Variants in VAV3 observed in about 807,000 individuals in gnomAD.
VAV3 encodes guanine nucleotide exchange factor VAV3.
In VAV3, 94 loss-of-function variants were observed where a neutral mutation model predicts 131.2. The ratio of observed to expected loss-of-function variants is 0.72; its 90% CI spans 0.61 to 0.85. The LOEUF (loss-of-function observed/expected upper bound fraction) is 0.85. Among genes scored for constraint, VAV3 ranks in the 40% least tolerant of loss-of-function variants. The probability of loss-of-function intolerance (pLI) is 0.00; values close to 1 mark genes in which losing one functional copy is unlikely to be tolerated. For synonymous variants in VAV3, 349 were observed against 342.0 expected (o/e 1.02, Z -0.22); for missense variants, 939 against 1,002.7 (o/e 0.94, Z 0.86).
chr1:107,727,251 C>A (rs1661901786), intron 15 of VAV3, among the ~76,000 whole-genome samples: 1 of 152,308 alleles, frequency 6.6e-6, no homozygotes, highest in East Asian at 1.9e-4. Context: ...TGGGTTCTTT[C>A]GTAATTTTGT....
At chr1:107,793,097 G>C (rs1666373334) in intron 2 of VAV3, among the ~76,000 whole-genome samples, 2 of 152,090 alleles carry the variant, frequency 1.3e-5, no homozygotes, top group South Asian at 4.1e-4. Context: ...AATCTGTGCT[G>C]AGCATTCTGC....
chr1:107,903,867 C>T (rs1055436187), intron 1 of VAV3, among the ~76,000 whole-genome samples: 1 of 152,130 alleles, frequency 6.6e-6, no homozygotes, highest in African/African-American at 2.4e-5. Flanking sequence ...TCATTCTTGA[C>T]CCCTTGTTCT....
intron 10 of VAV3, among the ~76,000 whole-genome samples, chr1:107,760,215 G>T (rs1014652840): frequency 6.6e-6 from 1 of 152,146 alleles, no homozygotes; most frequent in African/African-American, 2.4e-5. Context: ...CAGAACTAAT[G>T]AGTCTCCTGG....
rs566417227 is a variant in VAV3 at position 107,832,829 on chromosome 1, A to G, written c.321+42072T>C. Among the ~76,000 whole-genome samples the G allele has an allele frequency of 5.3e-4, 80 of 152,352 alleles. 1 individual carries two copies. Among genetic ancestry groups the G allele is most frequent in the African/African-American group, 1.9e-3 (78 of 41,604 alleles). ...TGTACAAAATGTAAACTGCTGAATC[A>G]TAAGTTAGGAAGAGCAAATAACATA... is the stretch of plus-strand genomic sequence containing the variant. On this transcript the variant is annotated intron_variant, in intron 2 of 26. Coordinates refer to ENST00000370056, the MANE Select transcript of VAV3 (RefSeq NM_006113.5).
intron 19 of VAV3, chr1:107,668,609 T>A (rs930764540): frequency 2.0e-6 from 2 of 983,264 alleles, no homozygotes; most frequent in African/African-American, 3.5e-5. Context: ...ATGAAATGTG[T>A]AGAATAAGAG....
At chr1:107,637,517 T>C (rs1020315306) in intron 20 of VAV3, among the ~76,000 whole-genome samples, 4 of 151,978 alleles carry the variant, frequency 2.6e-5, no homozygotes, top group Admixed American at 2.0e-4. Context: ...CAGCTACTCA[T>C]GTGGCTGAGG....
At chr1:107,749,415 G>A (rs777099357) in intron 14 of VAV3, 47 bp downstream of exon 14, 1 of 1,548,670 alleles carries the variant, frequency 6.5e-7, no homozygotes, top group African/African-American at 1.4e-5. Context: ...TTTCCTTAAT[G>A]TTCAAGATTA....
chr1:107,950,503 C>T (rs1037974727), intron 1 of VAV3, among the ~76,000 whole-genome samples: 1 of 152,054 alleles, frequency 6.6e-6, no homozygotes, highest in Non-Finnish European at 1.5e-5. Flanking sequence ...AGGGGAATGA[C>T]AGAAAGCCAA....
At chr1:107,600,493 T>C (rs1182931679) in intron 24 of VAV3, among the ~76,000 whole-genome samples, 1 of 152,228 alleles carries the variant, frequency 6.6e-6, no homozygotes, top group Non-Finnish European at 1.5e-5. Flanking sequence ...AAAACACATA[T>C]GCACGTGTCT....
chr1:107,828,006 A>C (rs920562007), intron 2 of VAV3, among the ~76,000 whole-genome samples: 2 of 152,196 alleles, frequency 1.3e-5, no homozygotes, highest in African/African-American at 4.8e-5. Context: ...GACCAGACTC[A>C]ACACACCCCA....
chr1:107,660,884 A>G (rs753886196), intron 19 of VAV3, among the ~76,000 whole-genome samples: 15 of 152,172 alleles, frequency 9.9e-5, no homozygotes, highest in Non-Finnish European at 4.4e-5. Flanking sequence ...CGGAAGCACA[A>G]ACCAAAAGGA....
chr1:107,691,241 T>C (rs1173193183), intron 17 of VAV3, among the ~76,000 whole-genome samples: 1 of 152,168 alleles, frequency 6.6e-6, no homozygotes, highest in Non-Finnish European at 1.5e-5. Flanking sequence ...AAAATACATA[T>C]ATTTTTCAAA....
chr1:107,615,625 G>T (rs1653095894), intron 21 of VAV3, among the ~76,000 whole-genome samples: 1 of 152,150 alleles, frequency 6.6e-6, no homozygotes, highest in Non-Finnish European at 1.5e-5. Context: ...AAGGGCTTCT[G>T]CACAGCAAAA....
At chr1:107,859,145 G>A (rs1408928974) in intron 2 of VAV3, among the ~76,000 whole-genome samples, 1 of 150,310 alleles carries the variant, frequency 6.7e-6, no homozygotes, top group Non-Finnish European at 1.5e-5. Context: ...GGAGTAGAGT[G>A]GCACCATCAC....
At chr1:107,782,706 G>T (rs1263115396) in intron 2 of VAV3, among the ~76,000 whole-genome samples, 1 of 152,166 alleles carries the variant, frequency 6.6e-6, no homozygotes, top group Non-Finnish European at 1.5e-5. Flanking sequence ...TTTAGTCAAT[G>T]CGGTGTTTTT....
chr1:107,750,967 T>C, intron 13 of VAV3, 150 bp downstream of exon 13: 1 of 729,478 alleles, frequency 1.4e-6, no homozygotes. Context: ...ATAATCTAGA[T>C]TTAAAAAATT....
At chr1:107,907,354 A>ATGTTGACAAT (rs1218474579) in intron 1 of VAV3, among the ~76,000 whole-genome samples, 1 of 152,236 alleles carries the variant, frequency 6.6e-6, no homozygotes, top group African/African-American at 2.4e-5. Flanking sequence ...ATTCAAAAAG[A>ATGTTGACAAT]TGTTGACAAT....
At chr1:107,660,088 A>G (rs7543435) in intron 19 of VAV3, among the ~76,000 whole-genome samples, 88,148 of 151,974 alleles carry the variant, frequency 0.58, 26,517 homozygotes, top group African/African-American at 0.75. Flanking sequence ...CGGATCATCT[A>G]ATTCACCTTC....
chr1:107,886,790 T>C (rs985479242), intron 1 of VAV3, among the ~76,000 whole-genome samples: 1 of 152,116 alleles, frequency 6.6e-6, no homozygotes, highest in Non-Finnish European at 1.5e-5. Flanking sequence ...CAGGAGATCA[T>C]GCTTTTATAT....
Sources: allele counts gnomAD v4.1 joint callset (sites outside exome capture counted in the v4.1 genomes callset), GRCh38; gene constraint gnomAD v4.1.1; transcripts MANE v1.5; gene names NCBI Gene and HGNC (gene_info 2026-07-23, HGNC 2026-07-21).